CYP7B1: variants seen among roughly 807,000 people sequenced by gnomAD.
CYP7B1 encodes the protein cytochrome P450 family 7 subfamily B member 1.
Under a neutral mutation model 42.7 loss-of-function variants are expected in CYP7B1, and 29 were observed. The ratio of observed to expected loss-of-function variants is 0.68; its 90% CI spans 0.51 to 0.93. CYP7B1 has a LOEUF of 0.93. Among genes scored for constraint, CYP7B1 ranks in the 40% least tolerant of loss-of-function variants. The pLI is 0.00. For synonymous variants in CYP7B1, 235 were observed against 218.2 expected (o/e 1.08, Z -0.68); for missense variants, 655 against 600.5 (o/e 1.09, Z -0.95).
intron 1 of CYP7B1, among the ~76,000 whole-genome samples, chr8:64,706,163 A>G (rs1806995857): frequency 6.6e-6 from 1 of 152,020 alleles, no homozygotes; most frequent in Non-Finnish European, 1.5e-5. Context: ...CTCTGAAAAC[A>G]TAGTTGGTAG....
chr8:64,793,070 A>C (rs1326367601), intron 1 of CYP7B1, among the ~76,000 whole-genome samples: 1 of 152,194 alleles, frequency 6.6e-6, no homozygotes, highest in Non-Finnish European at 1.5e-5. Flanking sequence ...TGGCACCTAG[A>C]AACTGAGAGA....
chr8:64,749,648 C>T (rs1212830811), intron 1 of CYP7B1, among the ~76,000 whole-genome samples: 1 of 152,142 alleles, frequency 6.6e-6, no homozygotes, highest in Non-Finnish European at 1.5e-5. Flanking sequence ...GGCTATATTT[C>T]TATGGTCCAA....
At chr8:64,589,503 A>C (rs1438142131), downstream of CYP7B1, among the ~76,000 whole-genome samples, 1 of 152,232 alleles carries the variant, frequency 6.6e-6, no homozygotes, top group Non-Finnish European at 1.5e-5. Flanking sequence ...GTAGAAAACA[A>C]ATACATTTAT....
At chr8:64,736,769 G>A (rs910938680) in intron 1 of CYP7B1, among the ~76,000 whole-genome samples, 5 of 151,862 alleles carry the variant, frequency 3.3e-5, no homozygotes, top group East Asian at 1.9e-4. Context: ...TTTAATTCCT[G>A]GGAGTTTCAA....
intron 1 of CYP7B1, among the ~76,000 whole-genome samples, chr8:64,691,179 T>C (rs1300548788): frequency 6.6e-6 from 1 of 152,324 alleles, no homozygotes; most frequent in Middle Eastern, 3.4e-3. Flanking sequence ...TGGGCACTTA[T>C]CAAAGTTGTA....
chr8:64,762,229 T>C (rs528233503), intron 1 of CYP7B1, among the ~76,000 whole-genome samples: 1 of 152,272 alleles, frequency 6.6e-6, no homozygotes, highest in South Asian at 2.1e-4. Flanking sequence ...TTTGTAAAGC[T>C]ACATAAGTCT....
At chr8:64,730,531 C>A (rs994789264) in intron 1 of CYP7B1, among the ~76,000 whole-genome samples, 1 of 152,082 alleles carries the variant, frequency 6.6e-6, no homozygotes, top group African/African-American at 2.4e-5. Context: ...CTTTGAAAAA[C>A]ATGACATGAT....
chr8:64,754,334 C>T (rs1409080583), intron 1 of CYP7B1, among the ~76,000 whole-genome samples: 3 of 152,048 alleles, frequency 2.0e-5, no homozygotes, highest in Non-Finnish European at 2.9e-5. Flanking sequence ...ATATTTGAGG[C>T]CAACTTGGTG....
intron 1 of CYP7B1, among the ~76,000 whole-genome samples, chr8:64,694,978 A>C (rs1397123999): frequency 6.6e-6 from 1 of 152,226 alleles, no homozygotes; most frequent in African/African-American, 2.4e-5. Context: ...TCCAGAAATG[A>C]ACTGAATCTG....
chr8:64,679,781 T>C (rs1486318727), intron 1 of CYP7B1, among the ~76,000 whole-genome samples: 1 of 152,184 alleles, frequency 6.6e-6, no homozygotes, highest in Non-Finnish European at 1.5e-5. Flanking sequence ...CTTGGTGTGT[T>C]TGAAGATAAG....
intron 1 of CYP7B1, among the ~76,000 whole-genome samples, chr8:64,656,274 C>G (rs944209280): frequency 2.0e-5 from 3 of 152,124 alleles, no homozygotes; most frequent in East Asian, 1.9e-4. Context: ...TGAGTTTTAG[C>G]TAGATATTCT....
chr8:64,760,424 C>T (rs987743342), intron 1 of CYP7B1, among the ~76,000 whole-genome samples: 1 of 151,786 alleles, frequency 6.6e-6, no homozygotes, highest in Non-Finnish European at 1.5e-5. Flanking sequence ...AAAGGACCAT[C>T]GAATGGAAGA....
chr8:64,642,320 C>T (rs1376701003), intron 1 of CYP7B1, among the ~76,000 whole-genome samples: 2 of 151,366 alleles, frequency 1.3e-5, no homozygotes, highest in African/African-American at 4.9e-5. Context: ...GTGTCACAAT[C>T]TATTGTCCCA....
At chr8:64,716,438 G>A (rs947591716) in intron 1 of CYP7B1, among the ~76,000 whole-genome samples, 12 of 151,886 alleles carry the variant, frequency 7.9e-5, no homozygotes, top group African/African-American at 2.9e-4. Context: ...CGGGCACGGT[G>A]GCTCACACCT....
At chr8:64,605,163 G>T (rs1805261452) in intron 4 of CYP7B1, among the ~76,000 whole-genome samples, 1 of 152,124 alleles carries the variant, frequency 6.6e-6, no homozygotes, top group African/African-American at 2.4e-5. Context: ...GTTGTGTTAT[G>T]GGTATATATG....
chr8:64,688,067 C>T (rs758979647), intron 1 of CYP7B1, among the ~76,000 whole-genome samples: 3 of 152,206 alleles, frequency 2.0e-5, no homozygotes, highest in Non-Finnish European at 4.4e-5. Flanking sequence ...AACCATTGCT[C>T]CCTCTGCTTT....
At chr8:64,601,128 T>C (rs1471120040) in intron 5 of CYP7B1, among the ~76,000 whole-genome samples, 3 of 152,208 alleles carry the variant, frequency 2.0e-5, no homozygotes, top group Non-Finnish European at 4.4e-5. Context: ...AAAATAATAA[T>C]TGGTACCACA....
Position 64,625,965 on chromosome 8 carries a change from C to CA in CYP7B1, c.123-1427dup, listed in dbSNP as rs1396794513. On this transcript the variant is annotated intron_variant, in intron 1 of 5. Transcript: ENST00000310193. Reference sequence around the variant, plus strand: ...TTTTAAGCCACTTAAGTCTACTTAACATAGTAAATGGAGATGTGTTCTTTA... The same window carrying CA: ...TTTTAAGCCACTTAAGTCTACTTAACAATAGTAAATGGAGATGTGTTCTTTA... Among the ~76,000 whole-genome samples, 10 of 152,064 alleles carry CA rather than the reference C, an allele frequency of 6.6e-5. No homozygotes were observed. In the East Asian group the frequency reaches 1.9e-3, roughly 29 times the overall value.
chr8:64,615,061 A>T lies in CYP7B1; in HGVS notation c.1022T>A (p.Leu341His). Residue 341 changes from leucine (L) to histidine (H), a missense_variant, in exon 4 of 6, where the codon CTC becomes CAC. Coordinates refer to ENST00000310193, the MANE Select transcript of CYP7B1 (RefSeq NM_004820.5). ...QKKGSGFPIHLTREQLDSLIC... is the reference protein window; with the variant it reads ...QKKGSGFPIHHTREQLDSLIC... Reference sequence around the variant, plus strand: ...TAGGCTGTCCAATTGTTCTCTGGTGAGGTGGATGGGAAATCCAGACCCTTT... The same window carrying T: ...TAGGCTGTCCAATTGTTCTCTGGTGTGGTGGATGGGAAATCCAGACCCTTT... The T allele has an allele frequency of 1.2e-6, 2 of 1,613,720 alleles. No homozygotes were observed. Among genetic ancestry groups the T allele is most frequent in the Non-Finnish European group, 1.7e-6 (2 of 1,179,726 alleles).
Sources: allele counts gnomAD v4.1 joint callset (sites outside exome capture counted in the v4.1 genomes callset), GRCh38; gene constraint gnomAD v4.1.1; transcripts MANE v1.5; gene names NCBI Gene and HGNC (gene_info 2026-07-23, HGNC 2026-07-21).